The following NDUFAF7 variants were observed in gnomAD, a reference collection of about 807,000 sequenced individuals.
NDUFAF7 encodes protein arginine methyltransferase NDUFAF7, mitochondrial.
In NDUFAF7, 48 loss-of-function variants were observed where a neutral mutation model predicts 47.2. That is an observed-to-expected ratio of 1.02 (90% confidence interval 0.81 to 1.29). The LOEUF (loss-of-function observed/expected upper bound fraction) is 1.29. NDUFAF7 is among the 50% of genes most tolerant of loss of function. The probability of loss-of-function intolerance (pLI) is 0.00; values close to 1 mark genes in which losing one functional copy is unlikely to be tolerated. For synonymous variants in NDUFAF7, 217 were observed against 190.0 expected (o/e 1.14, Z -1.17); for missense variants, 635 against 537.6 (o/e 1.18, Z -1.79).
chr2:37,244,306 A>G (rs1666686236), intron 7 of NDUFAF7, among the ~76,000 whole-genome samples: 2 of 152,234 alleles, frequency 1.3e-5, no homozygotes, highest in Admixed American at 1.3e-4. Context: ...TGTGAAAGCA[A>G]TGTAGTACAG....
chr2:37,262,544 G>T, the NDUFAF7 span, among the ~76,000 whole-genome samples: 1 of 152,158 alleles, frequency 6.6e-6, no homozygotes, highest in Non-Finnish European at 1.5e-5. Flanking sequence ...GTAGATAAAT[G>T]AAACTCAAAT....
intron 4 of NDUFAF7, among the ~76,000 whole-genome samples, chr2:37,238,276 A>C (rs1171878270): frequency 1.3e-5 from 2 of 152,168 alleles, no homozygotes; most frequent in East Asian, 3.9e-4. Flanking sequence ...GTAAAAATAC[A>C]AAAATTAGCT....
Position 37,248,707 on chromosome 2 carries a change from C to T in NDUFAF7, c.*357C>T. 3.1e-6 allele frequency: 1 copy of T among 319,374 alleles called. No individual in the cohort carries two copies. Among genetic ancestry groups the T allele is most frequent in the Non-Finnish European group, 6.1e-6 (1 of 164,502 alleles). The allele number at this position is 319,374 out of a possible 1,614,324, so 19.8% of individuals were successfully genotyped here. On this transcript the variant is annotated 3_prime_UTR_variant, in exon 10 of 10. Coordinates refer to ENST00000002125, the MANE Select transcript of NDUFAF7 (RefSeq NM_144736.5). The stretch of plus-strand genomic sequence containing the variant: ...AGGTGGGCATATCACCTGAGGTCAG[C>T]AGTTAAAGACCAGCCTGACCAAAAT...
the NDUFAF7 span, chr2:37,268,402 T>G: frequency 2.1e-6 from 1 of 467,952 alleles, no homozygotes; most frequent in East Asian, 7.0e-5. Flanking sequence ...ATATTATATA[T>G]GCATGCAGAG....
chr2:37,271,248 G>C, the NDUFAF7 span, among the ~76,000 whole-genome samples: 1 of 151,928 alleles, frequency 6.6e-6, no homozygotes, highest in Non-Finnish European at 1.5e-5. Flanking sequence ...TAGTCCAGGG[G>C]TTAGCAAACT....
At chr2:37,254,674 T>C (rs188844792), downstream of NDUFAF7, among the ~76,000 whole-genome samples, 5 of 152,296 alleles carry the variant, frequency 3.3e-5, no homozygotes, top group East Asian at 1.9e-4. Context: ...GCTTAGCACA[T>C]AAGTGCTAAG....
the NDUFAF7 span, chr2:37,269,061 A>T: frequency 6.5e-6 from 1 of 154,406 alleles, no homozygotes; most frequent in Non-Finnish European, 1.4e-5. Context: ...GTACCTTTAC[A>T]TATATTAAGT....
chr2:37,256,192 CAGAAG>C (rs1329168412), downstream of NDUFAF7, among the ~76,000 whole-genome samples: 2 of 152,022 alleles, frequency 1.3e-5, no homozygotes, highest in African/African-American at 4.8e-5. Flanking sequence ...GAAAACAGTT[CAGAAG>C]AGTAAACAAC....
the NDUFAF7 span, chr2:37,259,495 C>A: frequency 1.1e-6 from 1 of 949,036 alleles, no homozygotes; most frequent in Non-Finnish European, 1.6e-6. Context: ...CATTTTTAAC[C>A]AACAGTACTT....
intron 3 of NDUFAF7, among the ~76,000 whole-genome samples, chr2:37,237,408 G>A (rs1665908673): frequency 6.6e-6 from 1 of 152,242 alleles, no homozygotes; most frequent in African/African-American, 2.4e-5. Context: ...TCATGTAATT[G>A]TTTAAATCAT....
the NDUFAF7 span, among the ~76,000 whole-genome samples, chr2:37,270,530 G>C: frequency 6.6e-6 from 1 of 151,626 alleles, no homozygotes; most frequent in African/African-American, 2.4e-5. Flanking sequence ...GTTGCTGTCA[G>C]AACTAACAGA....
At chr2:37,256,858 A>G (rs147147349), downstream of NDUFAF7, 6 of 1,613,950 alleles carry the variant, frequency 3.7e-6, no homozygotes, top group African/African-American at 8.0e-5. Flanking sequence ...AGTATGCTGG[A>G]GTTCCTACCA....
Position 37,238,201 on chromosome 2 carries a change from G to T in NDUFAF7, c.408+334G>T, listed in dbSNP as rs12476195. ...AATCCTAGCACTTTGAGAGGCCAAG[G>T]TGGGCAGATCACAAGGTCAGGAGTT... On this transcript the variant is annotated intron_variant, in intron 4 of 9. Coordinates refer to ENST00000002125, the MANE Select transcript of NDUFAF7 (RefSeq NM_144736.5). Among the ~76,000 whole-genome samples the T allele has an allele frequency of 0.051, 7,725 of 152,194 alleles. 715 individuals carry two copies. Among genetic ancestry groups the T allele is most frequent in the East Asian group, 0.34 (1,767 of 5,172 alleles).
intron 2 of NDUFAF7, among the ~76,000 whole-genome samples, chr2:37,234,731 G>C (rs1265686785): frequency 6.6e-6 from 1 of 152,166 alleles, no homozygotes; most frequent in East Asian, 1.9e-4. Context: ...AAGGACTCAG[G>C]GGAGTTGTAT....
At chr2:37,258,431 A>G in the NDUFAF7 span, among the ~76,000 whole-genome samples, 3 of 152,238 alleles carry the variant, frequency 2.0e-5, no homozygotes, top group South Asian at 2.1e-4. Flanking sequence ...AAGTTTGGCA[A>G]CTGATTAAAG....
At chr2:37,258,946 G>C in the NDUFAF7 span, among the ~76,000 whole-genome samples, 1 of 151,870 alleles carries the variant, frequency 6.6e-6, no homozygotes. Flanking sequence ...ATGGCTGCAG[G>C]GTACCACCAC....
chr2:37,253,390 C>G (rs1357413937), downstream of NDUFAF7: 1 of 1,528,214 alleles, frequency 6.5e-7, no homozygotes, highest in Non-Finnish European at 8.9e-7. Flanking sequence ...ACAAAAGAAA[C>G]AAAATACTGT....
intron 3 of NDUFAF7, among the ~76,000 whole-genome samples, chr2:37,236,775 C>T (rs1252165535): frequency 7.0e-5 from 10 of 141,874 alleles, no homozygotes; most frequent in South Asian, 4.5e-4. Flanking sequence ...AGCAAAACTC[C>T]GTCTCAAAAA....
the NDUFAF7 span, among the ~76,000 whole-genome samples, chr2:37,270,779 T>A: frequency 6.6e-6 from 1 of 152,254 alleles, no homozygotes; most frequent in East Asian, 1.9e-4. Flanking sequence ...TAACCAAATT[T>A]TGGTTCTAAT....
Sources: allele counts gnomAD v4.1 joint callset (sites outside exome capture counted in the v4.1 genomes callset), GRCh38; gene constraint gnomAD v4.1.1; transcripts MANE v1.5; gene names NCBI Gene and HGNC (gene_info 2026-07-23, HGNC 2026-07-21).